The following SRGAP3 variants were observed in gnomAD, a reference collection of about 807,000 sequenced individuals.
SRGAP3 encodes the protein SLIT-ROBO Rho GTPase-activating protein 3.
In SRGAP3, 39 loss-of-function variants were observed where a neutral mutation model predicts 121.1. The ratio of observed to expected loss-of-function variants is 0.32; its 90% CI spans 0.25 to 0.42. The LOEUF is 0.42. Ranked by LOEUF, SRGAP3 falls within the 10% of genes least tolerant of loss-of-function variation. The pLI is 1.00. For synonymous variants in SRGAP3, 601 were observed against 570.0 expected (o/e 1.05, Z -0.77); for missense variants, 1,213 against 1,470.6 (o/e 0.82, Z 2.86).
At chr3:9,027,298 C>A (rs1944258242) in intron 12 of SRGAP3, among the ~76,000 whole-genome samples, 1 of 152,244 alleles carries the variant, frequency 6.6e-6, no homozygotes, top group Non-Finnish European at 1.5e-5. Context: ...GAGGGAACCA[C>A]CTCGGGGGGG....
At chr3:9,148,181 G>A (rs185270740) in intron 1 of SRGAP3, among the ~76,000 whole-genome samples, 64 of 152,290 alleles carry the variant, frequency 4.2e-4, no homozygotes, top group Admixed American at 4.1e-3. Flanking sequence ...AGGAGGAGGA[G>A]GATAAAGGGA....
At chr3:9,005,996 G>A (rs1324976441) in intron 18 of SRGAP3, among the ~76,000 whole-genome samples, 1 of 152,204 alleles carries the variant, frequency 6.6e-6, no homozygotes, top group Non-Finnish European at 1.5e-5. Context: ...TATAAGGCCT[G>A]AGCCAAATGC....
chr3:9,028,257 A>C, intron 12 of SRGAP3: 1 of 1,318,636 alleles, frequency 7.6e-7, no homozygotes, highest in South Asian at 1.2e-5. Context: ...CAGCCAGCCA[A>C]GGTCCTGGGG....
At chr3:9,035,470 A>G (rs373172248) in intron 11 of SRGAP3, 4 of 178,962 alleles carry the variant, frequency 2.2e-5, no homozygotes, top group Non-Finnish European at 4.8e-5. Flanking sequence ...AGCTATCCCA[A>G]CTTTGCACAA....
At chr3:9,220,385 C>T (rs752590293) in intron 1 of SRGAP3, among the ~76,000 whole-genome samples, 2 of 152,108 alleles carry the variant, frequency 1.3e-5, no homozygotes, top group Non-Finnish European at 2.9e-5. Context: ...TGCATGTAGT[C>T]CACTCACCTC....
At chr3:9,129,990 G>A (rs1273213889) in intron 1 of SRGAP3, among the ~76,000 whole-genome samples, 2 of 152,014 alleles carry the variant, frequency 1.3e-5, no homozygotes, top group South Asian at 2.1e-4. Flanking sequence ...TCGAACTCCC[G>A]ACCTCAGGTG....
At position 9,159,470 on chromosome 3, in the gene SRGAP3, G is replaced by C. The variant is rs375595488; in HGVS notation, c.68-34553C>G. ...TTGTCTTTCACTTAACAAATAATCA[G>C]CAAGCGTGACAGGGCCCCCTGCCGC... On this transcript the variant is annotated intron_variant, in intron 1 of 21. Coordinates refer to ENST00000383836, the MANE Select transcript of SRGAP3 (RefSeq NM_014850.4). Among the ~76,000 whole-genome samples the C allele has an allele frequency of 4.1e-4, 63 of 152,266 alleles. 1 individual carries two copies. Among genetic ancestry groups the C allele is most frequent in the Admixed American group, 1.2e-3 (18 of 15,298 alleles).
At chr3:9,119,729 G>A (rs1375596870) in intron 2 of SRGAP3, among the ~76,000 whole-genome samples, 1 of 152,188 alleles carries the variant, frequency 6.6e-6, no homozygotes, top group Non-Finnish European at 1.5e-5. Context: ...CTCTCTAGAA[G>A]CCCCGAGCTA....
intron 2 of SRGAP3, among the ~76,000 whole-genome samples, chr3:9,119,775 C>G (rs987449856): frequency 3.5e-4 from 54 of 152,310 alleles, no homozygotes; most frequent in African/African-American, 1.3e-3. Flanking sequence ...AAGCAGGAGG[C>G]CCTGACACTA....
rs745939517 is a variant in SRGAP3, at chr3:8,992,643, A to G, written c.2558+263T>C. The G allele has an allele frequency of 1.6e-5, 9 of 567,230 alleles. 1 individual carries two copies. Among genetic ancestry groups the G allele is most frequent in the South Asian group, 1.4e-4 (7 of 48,782 alleles). The allele number at this position is 567,230 out of a possible 1,614,324, so 35.1% of individuals were successfully genotyped here. A position where few individuals can be genotyped will look rare whatever the true frequency, so the allele number is the denominator to read the frequency against. The stretch of plus-strand genomic sequence containing the variant: ...TTGCCAATTTGTATCTCTCTCACAC[A>G]TTATTATTATTTTAAATAAAAAAGC... On this transcript the variant is annotated intron_variant, in intron 20 of 21. Coordinates refer to ENST00000383836, the MANE Select transcript of SRGAP3 (RefSeq NM_014850.4).
At chr3:9,270,661 C>G (rs1376293416) in intron 3 of SRGAP3, among the ~76,000 whole-genome samples, 13 of 152,076 alleles carry the variant, frequency 8.5e-5, no homozygotes, top group Admixed American at 8.5e-4. Flanking sequence ...ATACACAATA[C>G]CTATAATCAT....
chr3:9,150,392 A>G (rs1434286321), intron 1 of SRGAP3, among the ~76,000 whole-genome samples: 1 of 152,066 alleles, frequency 6.6e-6, no homozygotes, highest in Admixed American at 6.5e-5. Flanking sequence ...AGAAGACCCA[A>G]TCTTCATCCC....
At chr3:9,134,138 C>A (rs1375860580) in intron 1 of SRGAP3, among the ~76,000 whole-genome samples, 1 of 152,222 alleles carries the variant, frequency 6.6e-6, no homozygotes, top group Non-Finnish European at 1.5e-5. Flanking sequence ...TTGGAGGCCT[C>A]TGCCCCTTGC....
chr3:9,228,416 C>T (rs371030352), intron 1 of SRGAP3, among the ~76,000 whole-genome samples: 2 of 152,186 alleles, frequency 1.3e-5, no homozygotes, highest in East Asian at 1.9e-4. Context: ...AAATGCACAG[C>T]CAGACCACTT....
At chr3:8,990,940 T>C in intron 20 of SRGAP3, 101 bp from the exon 21 acceptor site, 1 of 1,068,164 alleles carries the variant, frequency 9.4e-7, no homozygotes, top group Non-Finnish European at 1.3e-6. Context: ...CACGCTAGTC[T>C]AAGGAGCGGG....
chr3:9,171,276 C>G (rs1950967084), intron 1 of SRGAP3, among the ~76,000 whole-genome samples: 1 of 152,244 alleles, frequency 6.6e-6, no homozygotes, highest in African/African-American at 2.4e-5. Flanking sequence ...CCAATCTGCT[C>G]CAAGTTCAGA....
At position 9,109,276 on chromosome 3, in the gene SRGAP3, T is replaced by C. The variant is rs1225700700; in HGVS notation, c.261-4434A>G. ...AAAAAGACAACTGATCTGGAACTGA[T>C]GGGGAATTGCTGGGACAGTTTGGGG... is the stretch of plus-strand genomic sequence containing the variant. On this transcript the variant is annotated intron_variant, in intron 2 of 21. Coordinates refer to ENST00000383836, the MANE Select transcript of SRGAP3 (RefSeq NM_014850.4). This position sits in a 1 kb window ranked among gnomAD's most constrained non-coding sequence, Gnocchi z 4.4. Among the ~76,000 whole-genome samples, 1 of 151,986 alleles carries C rather than the reference T, an allele frequency of 6.6e-6. No individual in the cohort carries two copies. Among genetic ancestry groups the C allele is most frequent in the Non-Finnish European group, 1.5e-5 (1 of 67,984 alleles).
chr3:9,213,795 C>A (rs1952526359), intron 1 of SRGAP3, among the ~76,000 whole-genome samples: 1 of 152,224 alleles, frequency 6.6e-6, no homozygotes, highest in African/African-American at 2.4e-5. Flanking sequence ...TCAGTTCATT[C>A]CCGATGCACA....
At chr3:9,043,542 C>T (rs979862766) in intron 10 of SRGAP3, among the ~76,000 whole-genome samples, 3 of 151,896 alleles carry the variant, frequency 2.0e-5, no homozygotes, top group Admixed American at 6.6e-5. Flanking sequence ...TTTTCTCTGA[C>T]GTGGAATCTA....
Sources: gnomAD v4.1 joint callset for allele counts (sites outside exome capture counted in the v4.1 genomes callset) on GRCh38, gnomAD v4.1.1 for gene constraint, Gnocchi (gnomAD v3.1) non-coding constraint, MANE v1.5 for transcripts, NCBI Gene and HGNC (gene_info 2026-07-23, HGNC 2026-07-21) for gene names.